GNE: variants seen among roughly 807,000 people sequenced by gnomAD.
The protein encoded by GNE is glucosamine (UDP-N-acetyl)-2-epimerase/N-acetylmannosamine kinase.
Under a neutral mutation model 61.8 loss-of-function variants are expected in GNE, and 41 were observed. The observed-to-expected ratio is 0.66, with a 90% CI of 0.52 to 0.86. The LOEUF (loss-of-function observed/expected upper bound fraction) is 0.86, where lower values mean the gene tolerates loss of function less well. Ranked by LOEUF, GNE falls within the 40% of genes least tolerant of loss-of-function variation. The probability of loss-of-function intolerance (pLI) is 0.00; values close to 1 mark genes in which losing one functional copy is unlikely to be tolerated. For missense variants in GNE, 608 were observed against 909.1 expected, an observed-to-expected ratio of 0.67 and a Z score of 4.26; for synonymous variants, 264 against 326.4, an observed-to-expected ratio of 0.81 and a Z score of 2.06.
chr9:36,228,406 TA>T (rs1271813657), intron 6 of GNE, among the ~76,000 whole-genome samples: 2 of 151,878 alleles, frequency 1.3e-5, no homozygotes, highest in Non-Finnish European at 2.9e-5. Context: ...CTAGACTTTT[TA>T]AAAAAAATCA....
chr9:36,219,784 T>C (rs1828499519), intron 10 of GNE, 54 bp downstream of exon 10: 10 of 1,476,606 alleles, frequency 6.8e-6, no homozygotes, highest in Non-Finnish European at 1.9e-6. Flanking sequence ...ATTTCCACTT[T>C]GAAGTACTTG....
rs141635385 is a variant in GNE at position 36,272,801 on chromosome 9, T to A, written c.51+4093A>T. ...AATGTGGAGAAGGGGCCGGGCCCAG[T>A]GGCTCACATCTGTAAGCCCAGCACT... is the stretch of plus-strand genomic sequence containing the variant. On this transcript the variant is annotated intron_variant, in intron 1 of 11. Transcript: ENST00000396594. 9.0e-4 allele frequency among the ~76,000 whole-genome samples: 136 copies of A among 150,550 alleles called. 1 individual carries two copies. The East Asian group carries it at 0.027, about 29-fold the overall frequency.
intron 1 of GNE, among the ~76,000 whole-genome samples, chr9:36,257,639 TAAAAATACA>T (rs1295465464): frequency 1.3e-5 from 2 of 150,028 alleles, no homozygotes; most frequent in Admixed American, 1.3e-4. Context: ...CCGTCTCTAC[TAAAAATACA>T]AAAAATTAGC....
intron 10 of GNE, 89 bp downstream of exon 10, chr9:36,219,749 G>A (rs1393454664): frequency 8.5e-7 from 1 of 1,177,548 alleles, no homozygotes; most frequent in African/African-American, 1.5e-5. Flanking sequence ...GAAACTTCTG[G>A]CTTCAGTGTT....
intron 1 of GNE, chr9:36,265,639 A>C (rs1292403221): frequency 6.5e-6 from 2 of 305,588 alleles, no homozygotes; most frequent in African/African-American, 4.3e-5. Flanking sequence ...TCTCTAGGGC[A>C]GCGGTCCCCA....
intron 1 of GNE, among the ~76,000 whole-genome samples, chr9:36,250,767 G>A (rs911871495): frequency 1.2e-4 from 18 of 152,192 alleles, no homozygotes; most frequent in African/African-American, 4.1e-4. Flanking sequence ...TACTACCTCC[G>A]CCTCCCAGAT....
chr9:36,265,402 C>T (rs1034604550), intron 1 of GNE: 4 of 456,496 alleles, frequency 8.8e-6, no homozygotes, highest in Non-Finnish European at 1.8e-5. Context: ...ATTGTGATGT[C>T]TGCCATGTTG....
chr9:36,251,049 G>A (rs1238531149), intron 1 of GNE, among the ~76,000 whole-genome samples: 1 of 152,056 alleles, frequency 6.6e-6, no homozygotes, highest in Non-Finnish European at 1.5e-5. Flanking sequence ...CCTTCTCTGT[G>A]CCAAAGTGCC....
intron 5 of GNE, among the ~76,000 whole-genome samples, chr9:36,232,342 CCT>C (rs1829206469): frequency 9.2e-6 from 1 of 108,266 alleles, no homozygotes; most frequent in Non-Finnish European, 1.8e-5. Flanking sequence ...CCCCGCCCCC[CCT>C]CCCGACATTC....
At chr9:36,257,802 CAAAAAAAAAAAAAA>C (rs60845805) in intron 1 of GNE, among the ~76,000 whole-genome samples, 35 of 25,246 alleles carry the variant, frequency 1.4e-3, no homozygotes, top group African/African-American at 2.7e-3. Flanking sequence ...GACTCAGTCT[CAAAAAAAAAAAAAA>C]AAAAAAAAAA....
At chr9:36,264,308 G>T (rs1830697316) in intron 1 of GNE, among the ~76,000 whole-genome samples, 1 of 151,850 alleles carries the variant, frequency 6.6e-6, no homozygotes, top group Non-Finnish European at 1.5e-5. Flanking sequence ...AAGTTTTTTT[G>T]TATTTTTTAT....
Position 36,217,034 on chromosome 9 carries a change from CAG to C in GNE, c.*329_*330del, listed in dbSNP as rs1828343925. 2.7e-6 allele frequency: 1 copy of C among 374,318 alleles called. No individual in the cohort carries two copies. Among genetic ancestry groups the C allele is most frequent in the African/African-American group, 2.1e-5 (1 of 47,844 alleles). The allele number at this position is 374,318 out of a possible 1,614,324, so 23.2% of individuals were successfully genotyped here. A position where few individuals can be genotyped will look rare whatever the true frequency, so the allele number is the denominator to read the frequency against. On this transcript the variant is annotated 3_prime_UTR_variant, in exon 12 of 12. Coordinates refer to ENST00000642385, the MANE Select transcript of GNE (RefSeq NM_005476.7). ...TATCCCAGGCAAGGCCTGAAGGTCT[CAG>C]TGGTATTAATACATTAGTAAGCAGA...
Position 36,218,400 on chromosome 9 carries a change from GT to G in GNE, c.1817-102del. 1 of 824,378 alleles carries G rather than the reference GT, an allele frequency of 1.2e-6. No homozygotes were observed. The highest frequency in any genetic ancestry group is 2.1e-6 in the Non-Finnish European group (1 of 476,394). The allele number at this position is 824,378 out of a possible 1,614,324, so 51.1% of individuals were successfully genotyped here. A position where few individuals can be genotyped will look rare whatever the true frequency, so the allele number is the denominator to read the frequency against. On this transcript the variant is annotated intron_variant, in intron 10 of 11. Transcript: ENST00000642385. The surrounding 1 kb of genome is among the most constrained non-coding windows in gnomAD (Gnocchi z 4.1). ...GCAAGCCCCTACATGGGAAGACGGT[GT>G]TTTCTTTTCACAATTGCAAAGCTTA...
chr9:36,248,670 T>C (rs1039744947), intron 2 of GNE, among the ~76,000 whole-genome samples: 1 of 152,086 alleles, frequency 6.6e-6, no homozygotes, highest in African/African-American at 2.4e-5. Flanking sequence ...ACAAACCTAA[T>C]GTCAGCAAAA....
chr9:36,276,824 T>A (rs1831278387), intron 1 of GNE: 4 of 1,159,584 alleles, frequency 3.4e-6, no homozygotes, highest in Non-Finnish European at 5.1e-6. Flanking sequence ...TTTGTAATTT[T>A]CCTTTTTCCC....
chr9:36,221,310 TTTAAA>T (rs1828576036), intron 9 of GNE, among the ~76,000 whole-genome samples: 1 of 152,158 alleles, frequency 6.6e-6, no homozygotes, highest in South Asian at 2.1e-4. Context: ...AGACTCACTC[TTTAAA>T]TAAATAAATA....
Position 36,218,737 on chromosome 9 carries a change from G to T in GNE, c.1817-438C>A, listed in dbSNP as rs1367966277. Among the ~76,000 whole-genome samples, 1 of 152,182 alleles carries T rather than the reference G, an allele frequency of 6.6e-6. No individual in the cohort carries two copies. Among genetic ancestry groups the T allele is most frequent in the African/African-American group, 2.4e-5 (1 of 41,448 alleles). ...GGCTGAGGAACAGACACAGGCCTGG[G>T]GTCAGTGCCAGCTCTGCCACTCCCA... On this transcript the variant is annotated intron_variant, in intron 10 of 11. Transcript: ENST00000642385. The surrounding 1 kb of genome is among the most constrained non-coding windows in gnomAD (Gnocchi z 4.1).
intron 9 of GNE, 129 bp from the exon 10 acceptor site, chr9:36,220,149 A>G (rs998656616): frequency 2.6e-6 from 2 of 774,700 alleles, no homozygotes; most frequent in African/African-American, 3.4e-5. Flanking sequence ...AGACAGCTGA[A>G]GCCCACTAGG....
chr9:36,255,216 C>A (rs1231592712), intron 1 of GNE, among the ~76,000 whole-genome samples: 1 of 151,784 alleles, frequency 6.6e-6, no homozygotes, highest in African/African-American at 2.4e-5. Flanking sequence ...CAGTATTTTT[C>A]TTTTTTCTTG....
Sources: allele counts gnomAD v4.1 joint callset (sites outside exome capture counted in the v4.1 genomes callset), GRCh38; gene constraint gnomAD v4.1.1; non-coding constraint Gnocchi (gnomAD v3.1); transcripts MANE v1.5; gene names NCBI Gene and HGNC (gene_info 2026-07-23, HGNC 2026-07-21).